Variants in SGCZ observed in about 807,000 individuals in gnomAD.
SGCZ encodes the protein sarcoglycan zeta, also known as zeta-sarcoglycan.
Under a neutral mutation model 41.3 loss-of-function variants are expected in SGCZ, and 40 were observed. The observed-to-expected ratio is 0.97, with a 90% CI of 0.75 to 1.26. SGCZ has a LOEUF of 1.26. Among genes scored for constraint, SGCZ ranks in the 50% most tolerant of loss-of-function variants. The pLI is 0.00. For missense variants in SGCZ, 552 were observed against 369.8 expected, an observed-to-expected ratio of 1.49 and a Z score of -4.04; for synonymous variants, 206 against 137.5, an observed-to-expected ratio of 1.50 and a Z score of -3.49.
intron 5 of SGCZ, among the ~76,000 whole-genome samples, chr8:14,130,796 G>A (rs1000523077): frequency 6.6e-6 from 1 of 152,194 alleles, no homozygotes; most frequent in Non-Finnish European, 1.5e-5. Context: ...TGGAAGGCAG[G>A]TATGTTTTTT....
At chr8:14,736,529 GAGTA>G (rs1799036322) in intron 1 of SGCZ, among the ~76,000 whole-genome samples, 1 of 151,980 alleles carries the variant, frequency 6.6e-6, no homozygotes, top group African/African-American at 2.4e-5. Flanking sequence ...TTGGTTACAT[GAGTA>G]AGTTCTTCAG....
At chr8:14,870,018 G>C (rs1229751444) in intron 1 of SGCZ, among the ~76,000 whole-genome samples, 1 of 152,112 alleles carries the variant, frequency 6.6e-6, no homozygotes, top group Non-Finnish European at 1.5e-5. Context: ...GTAATTTATA[G>C]ATTCACTGCT....
chr8:14,651,808 C>G (rs1365510677), intron 1 of SGCZ, among the ~76,000 whole-genome samples: 1 of 152,052 alleles, frequency 6.6e-6, no homozygotes, highest in Admixed American at 6.6e-5. Flanking sequence ...TAATAGATGT[C>G]TAGCCATTGC....
intron 1 of SGCZ, among the ~76,000 whole-genome samples, chr8:15,176,101 C>T (rs895000951): frequency 1.3e-5 from 2 of 152,180 alleles, no homozygotes; most frequent in Non-Finnish European, 2.9e-5. Flanking sequence ...AAAATACCCA[C>T]ATTATAAGTA....
intron 2 of SGCZ, among the ~76,000 whole-genome samples, chr8:14,464,969 A>T (rs1801008227): frequency 6.6e-6 from 1 of 151,672 alleles, no homozygotes; most frequent in Non-Finnish European, 1.5e-5. Context: ...ATATTTTAAA[A>T]TATGCCAATA....
At chr8:14,498,924 G>T (rs562769615) in intron 2 of SGCZ, among the ~76,000 whole-genome samples, 2 of 151,182 alleles carry the variant, frequency 1.3e-5, no homozygotes, top group Non-Finnish European at 3.0e-5. Context: ...TTTTCATGAA[G>T]AATTCTTTAG....
intron 2 of SGCZ, among the ~76,000 whole-genome samples, chr8:14,530,794 G>A (rs1326981003): frequency 1.3e-5 from 2 of 152,130 alleles, no homozygotes; most frequent in Non-Finnish European, 2.9e-5. Context: ...TCCGACATGA[G>A]CCAAATAGTG....
At chr8:15,222,802 T>G (rs1007157731) in intron 1 of SGCZ, among the ~76,000 whole-genome samples, 4 of 151,324 alleles carry the variant, frequency 2.6e-5, no homozygotes, top group East Asian at 1.9e-4. Context: ...CATGTGTGGG[T>G]GTGTGTGTGT....
chr8:14,846,555 A>C lies in SGCZ; in HGVS notation c.40-291629T>G, dbSNP rs927722303. Among the ~76,000 whole-genome samples the C allele has an allele frequency of 2.6e-5, 4 of 152,176 alleles. No individual in the cohort carries two copies. The East Asian group carries it at 7.7e-4, about 29-fold the overall frequency. On this transcript the variant is annotated intron_variant, in intron 1 of 7. Transcript: ENST00000382080. The stretch of plus-strand genomic sequence containing the variant: ...TAAAACATATGAACAACTTTATACC[A>C]ATATGTTTGACAATCTAGACCTATA...
At chr8:14,126,943 A>G (rs886479924) in intron 5 of SGCZ, among the ~76,000 whole-genome samples, 1 of 152,008 alleles carries the variant, frequency 6.6e-6, no homozygotes, top group African/African-American at 2.4e-5. Context: ...ACACATGGAC[A>G]CAGGGAGGGG....
At chr8:14,803,578 A>AC (rs1431446369) in intron 1 of SGCZ, among the ~76,000 whole-genome samples, 1 of 152,138 alleles carries the variant, frequency 6.6e-6, no homozygotes, top group Non-Finnish European at 1.5e-5. Context: ...AGAGGGTCTG[A>AC]CGCCCAGGGA....
At chr8:14,320,336 T>C (rs1174402366) in intron 3 of SGCZ, among the ~76,000 whole-genome samples, 1 of 151,834 alleles carries the variant, frequency 6.6e-6, no homozygotes, top group Non-Finnish European at 1.5e-5. Flanking sequence ...AGATTTGCCG[T>C]GTTACCTGAA....
At chr8:14,180,126 G>C (rs374059840) in intron 4 of SGCZ, among the ~76,000 whole-genome samples, 4 of 152,212 alleles carry the variant, frequency 2.6e-5, no homozygotes, top group African/African-American at 9.6e-5. Context: ...TTAGAGCAAC[G>C]ACTACTGGCC....
At chr8:14,928,779 G>T (rs1799839256) in intron 1 of SGCZ, among the ~76,000 whole-genome samples, 1 of 152,090 alleles carries the variant, frequency 6.6e-6, no homozygotes, top group Non-Finnish European at 1.5e-5. Flanking sequence ...GGTAGGAATT[G>T]TGACAGCTTT....
At chr8:14,561,526 G>A (rs765320226) in intron 1 of SGCZ, among the ~76,000 whole-genome samples, 1 of 152,006 alleles carries the variant, frequency 6.6e-6, no homozygotes, top group Non-Finnish European at 1.5e-5. Context: ...GGTTTTCTTG[G>A]CTACTTACAG....
At chr8:14,622,437 A>G (rs935956806) in intron 1 of SGCZ, among the ~76,000 whole-genome samples, 8 of 152,144 alleles carry the variant, frequency 5.3e-5, no homozygotes, top group African/African-American at 1.9e-4. Flanking sequence ...ATATTCTTCA[A>G]TTCTCTAGCT....
At chr8:14,368,055 G>T (rs374039448) in intron 2 of SGCZ, among the ~76,000 whole-genome samples, 17 of 151,906 alleles carry the variant, frequency 1.1e-4, no homozygotes, top group African/African-American at 4.1e-4. Context: ...TAATTGTCAA[G>T]GTATTTAAAT....
chr8:14,957,002 T>C (rs991715594), intron 1 of SGCZ, among the ~76,000 whole-genome samples: 1 of 152,028 alleles, frequency 6.6e-6, no homozygotes, highest in Non-Finnish European at 1.5e-5. Context: ...CACACACAAT[T>C]ACATGTGCCC....
intron 1 of SGCZ, among the ~76,000 whole-genome samples, chr8:14,978,292 A>C (rs1365657376): frequency 1.3e-5 from 2 of 150,560 alleles, no homozygotes; most frequent in African/African-American, 2.5e-5. Flanking sequence ...ACATGGTGAA[A>C]TCTCGCCTCT....
Sources: allele counts gnomAD v4.1 joint callset (sites outside exome capture counted in the v4.1 genomes callset), GRCh38; gene constraint gnomAD v4.1.1; transcripts MANE v1.5; gene names NCBI Gene and HGNC (gene_info 2026-07-23, HGNC 2026-07-21).